RAPGEF6: variants seen among roughly 807,000 people sequenced by gnomAD.
The protein encoded by RAPGEF6 is PDZ domain containing guanine nucleotide exchange factor (GEF) 2.
Under a neutral mutation model 171.4 loss-of-function variants are expected in RAPGEF6, and 56 were observed. The ratio of observed to expected loss-of-function variants is 0.33; its 90% CI spans 0.26 to 0.41. The LOEUF is 0.41. RAPGEF6 is among the 10% of genes least tolerant of loss of function. RAPGEF6 has a pLI of 1.00. For missense variants in RAPGEF6, 1,674 were observed against 1,921.4 expected (o/e 0.87, Z 2.41); for synonymous variants, 692 against 650.1 (o/e 1.06, Z -0.98).
Position 131,603,307 on chromosome 5 carries a change from C to T in RAPGEF6, c.161G>A (p.Arg54His), listed in dbSNP as rs776323656. The change falls in exon 3 of 28, where the codon CGC becomes CAC. Residue 54 changes from arginine (R) to histidine (H), a missense_variant. Arg to His is a conservative substitution (Grantham distance 29). Transcript: ENST00000509018. ...CTGATTGCCACTGTATCTCTCATAG[C>T]GTGCTCTTGCAGACATTAATCTATT... is the stretch of plus-strand genomic sequence containing the variant. Reference protein sequence around the residue: ...HQLRLMSARARYERYSGNQVL... With the variant: ...HQLRLMSARAHYERYSGNQVL... The T allele has an allele frequency of 3.2e-6, 5 of 1,573,894 alleles. No homozygotes were observed. The highest frequency in any genetic ancestry group is 4.3e-6 in the Non-Finnish European group (5 of 1,163,132).
At chr5:131,430,833 C>A in intron 26 of RAPGEF6, 26 bp downstream of exon 26, 3 of 1,582,012 alleles carry the variant, frequency 1.9e-6, no homozygotes, top group Non-Finnish European at 2.6e-6. Flanking sequence ...TCTCTAAATG[C>A]CACAGACAAC....
intron 1 of RAPGEF6, among the ~76,000 whole-genome samples, chr5:131,618,890 A>T (rs1057455116): frequency 5.3e-5 from 8 of 152,102 alleles, no homozygotes; most frequent in Non-Finnish European, 8.8e-5. Flanking sequence ...CAGTGATGGG[A>T]CAATACGGGA....
intron 23 of RAPGEF6, among the ~76,000 whole-genome samples, chr5:131,441,837 T>C (rs901596966): frequency 2.6e-5 from 4 of 152,174 alleles, no homozygotes; most frequent in African/African-American, 9.6e-5. Context: ...AAAATAGTGA[T>C]ACTGTCAAAA....
At chr5:131,508,250 T>G in intron 8 of RAPGEF6, 43 bp from the exon 9 acceptor site, 1 of 1,514,200 alleles carries the variant, frequency 6.6e-7, no homozygotes, top group Non-Finnish European at 8.9e-7. Context: ...CATCGAGGAC[T>G]ATACCTTAAA....
chr5:131,452,020 C>T (rs1753115885), intron 21 of RAPGEF6, among the ~76,000 whole-genome samples: 2 of 152,210 alleles, frequency 1.3e-5, no homozygotes, highest in South Asian at 4.1e-4. Flanking sequence ...ATCACGAGGT[C>T]AGGAGATCGA....
intron 11 of RAPGEF6, among the ~76,000 whole-genome samples, chr5:131,504,299 T>C (rs867214250): frequency 2.2e-4 from 34 of 152,102 alleles, no homozygotes; most frequent in African/African-American, 7.5e-4. Context: ...TCGCCTCTAC[T>C]AAAAGTACAA....
At chr5:131,555,232 C>T (rs554499492) in intron 5 of RAPGEF6, among the ~76,000 whole-genome samples, 8 of 152,226 alleles carry the variant, frequency 5.3e-5, no homozygotes, top group South Asian at 2.1e-4. Context: ...ATTAACTTAA[C>T]GAAGGTTTGT....
At chr5:131,527,968 C>T (rs1172820121) in intron 6 of RAPGEF6, among the ~76,000 whole-genome samples, 1 of 148,272 alleles carries the variant, frequency 6.7e-6, no homozygotes, top group African/African-American at 2.5e-5. Context: ...TGAGCCGAAA[C>T]TGCGCCACTG....
chr5:131,459,778 T>C (rs934541332), intron 19 of RAPGEF6, among the ~76,000 whole-genome samples: 16 of 152,304 alleles, frequency 1.1e-4, no homozygotes, highest in Admixed American at 3.3e-4. Flanking sequence ...GCTTGCTATA[T>C]GGATAGAGTA....
chr5:131,472,487 G>T (rs747267419), intron 17 of RAPGEF6, 100 bp downstream of exon 17: 1 of 1,326,482 alleles, frequency 7.5e-7, no homozygotes, highest in Admixed American at 1.9e-5. Context: ...CTAGAGTTAA[G>T]AGGGCTGCAA....
intron 7 of RAPGEF6, among the ~76,000 whole-genome samples, chr5:131,520,187 G>A (rs1758379931): frequency 6.6e-6 from 1 of 152,170 alleles, no homozygotes; most frequent in Non-Finnish European, 1.5e-5. Context: ...GGGTAACTTT[G>A]TAGAACCAGT....
chr5:131,606,023 C>T (rs1383183112), intron 1 of RAPGEF6, among the ~76,000 whole-genome samples: 9 of 112,796 alleles, frequency 8.0e-5, no homozygotes, highest in Non-Finnish European at 1.5e-4. Flanking sequence ...GAGTGAGACT[C>T]CATCTCAAAA....
chr5:131,611,923 G>C (rs562649432), intron 1 of RAPGEF6, among the ~76,000 whole-genome samples: 1 of 152,102 alleles, frequency 6.6e-6, no homozygotes, highest in African/African-American at 2.4e-5. Flanking sequence ...AATAGCCGGA[G>C]TAAGTGTGGC....
chr5:131,547,984 A>G, intron 6 of RAPGEF6, 63 bp downstream of exon 6: 1 of 1,543,924 alleles, frequency 6.5e-7, no homozygotes. Context: ...AGATACATGT[A>G]AATTAAAGAT....
intron 17 of RAPGEF6, among the ~76,000 whole-genome samples, chr5:131,464,953 A>G (rs1037973985): frequency 1.3e-5 from 2 of 152,162 alleles, no homozygotes; most frequent in Admixed American, 1.3e-4. Flanking sequence ...TTCCCATTTC[A>G]TAAGCCCTAT....
chr5:131,527,099 T>C (rs1294742056), intron 6 of RAPGEF6, among the ~76,000 whole-genome samples: 3 of 152,106 alleles, frequency 2.0e-5, no homozygotes, highest in Non-Finnish European at 4.4e-5. Flanking sequence ...TATTTCTCAG[T>C]TAGACTAGAT....
At chr5:131,469,939 G>A in intron 17 of RAPGEF6, 1 of 675,008 alleles carries the variant, frequency 1.5e-6, no homozygotes. Flanking sequence ...GATAAATATA[G>A]GTAAGCTCAA....
chr5:131,435,199 A>G (rs1372689905), intron 24 of RAPGEF6, among the ~76,000 whole-genome samples: 1 of 152,194 alleles, frequency 6.6e-6, no homozygotes, highest in African/African-American at 2.4e-5. Context: ...AAAGGCCTAG[A>G]AAATGTGTGA....
At chr5:131,547,370 T>C (rs2149948374) in intron 6 of RAPGEF6, among the ~76,000 whole-genome samples, 1 of 152,282 alleles carries the variant, frequency 6.6e-6, no homozygotes, top group South Asian at 2.1e-4. Context: ...CGTGAGTACT[T>C]TGGAAACTGG....
Sources: allele counts gnomAD v4.1 joint callset (sites outside exome capture counted in the v4.1 genomes callset), GRCh38; gene constraint gnomAD v4.1.1; transcripts MANE v1.5; gene names NCBI Gene and HGNC (gene_info 2026-07-23, HGNC 2026-07-21).